Variants in SLC35F3 observed in about 807,000 individuals in gnomAD.
The protein encoded by SLC35F3 is solute carrier family 35 member F3, also known as putative thiamine transporter SLC35F3.
Under a neutral mutation model 49.9 loss-of-function variants are expected in SLC35F3, and 25 were observed. The observed-to-expected ratio is 0.50, with a 90% CI of 0.37 to 0.70. The LOEUF is 0.70. Among genes scored for constraint, SLC35F3 ranks in the 30% least tolerant of loss-of-function variants. The pLI is 0.00. For synonymous variants in SLC35F3, 275 were observed against 265.4 expected, an observed-to-expected ratio of 1.04 and a Z score of -0.35; for missense variants, 525 against 639.8, an observed-to-expected ratio of 0.82 and a Z score of 1.94.
At chr1:234,230,670 G>C (rs1234640863) in intron 2 of SLC35F3, among the ~76,000 whole-genome samples, 1 of 152,214 alleles carries the variant, frequency 6.6e-6, no homozygotes, top group African/African-American at 2.4e-5. Context: ...GCTTTGGGCT[G>C]CAGCCTGGTT....
At chr1:234,059,880 A>G (rs932006865) in intron 2 of SLC35F3, among the ~76,000 whole-genome samples, 5 of 152,130 alleles carry the variant, frequency 3.3e-5, no homozygotes, top group Admixed American at 3.3e-4. Context: ...TCACCACTTC[A>G]TGTTTTTCTG....
At chr1:234,299,014 C>T (rs1000580130) in intron 3 of SLC35F3, among the ~76,000 whole-genome samples, 14 of 152,090 alleles carry the variant, frequency 9.2e-5, no homozygotes, top group Admixed American at 8.5e-4. Context: ...AAACAGAAAC[C>T]AGCAGCATGG....
intron 2 of SLC35F3, among the ~76,000 whole-genome samples, chr1:234,125,929 GTC>G (rs768531542): frequency 6.6e-6 from 1 of 152,170 alleles, no homozygotes; most frequent in Non-Finnish European, 1.5e-5. Context: ...ATGAAGAACA[GTC>G]TCTGCAGTTC....
intron 2 of SLC35F3, among the ~76,000 whole-genome samples, chr1:234,104,068 A>G (rs1665249279): frequency 6.6e-6 from 1 of 152,210 alleles, no homozygotes; most frequent in African/African-American, 2.4e-5. Flanking sequence ...TGAGATTTGG[A>G]AATTTGTTAT....
At chr1:234,148,165 A>G (rs1361541002) in intron 2 of SLC35F3, among the ~76,000 whole-genome samples, 2 of 152,048 alleles carry the variant, frequency 1.3e-5, no homozygotes, top group African/African-American at 2.4e-5. Flanking sequence ...CTTCCTGCAG[A>G]CCTCCAGGTG....
intron 2 of SLC35F3, among the ~76,000 whole-genome samples, chr1:233,971,821 A>G (rs11586696): frequency 0.41 from 62,619 of 151,816 alleles, 14,053 homozygotes; most frequent in East Asian, 0.77. Context: ...CTGGGCATCG[A>G]CTGCATGAGA....
intron 2 of SLC35F3, among the ~76,000 whole-genome samples, chr1:233,999,736 C>A (rs1426923368): frequency 1.3e-5 from 2 of 152,116 alleles, no homozygotes; most frequent in African/African-American, 2.4e-5. Flanking sequence ...CTCTTTCATA[C>A]CTCGTATTTT....
At chr1:234,017,842 T>A (rs1268950771) in intron 2 of SLC35F3, among the ~76,000 whole-genome samples, 1 of 151,852 alleles carries the variant, frequency 6.6e-6, no homozygotes, top group African/African-American at 2.4e-5. Flanking sequence ...GTTGATTGAT[T>A]AACATTGAAC....
chr1:234,096,641 G>C (rs1572050295), intron 2 of SLC35F3, among the ~76,000 whole-genome samples: 1 of 152,166 alleles, frequency 6.6e-6, no homozygotes, highest in South Asian at 2.1e-4. Context: ...GGCAAGACTG[G>C]AGAAGGTTGG....
intron 2 of SLC35F3, among the ~76,000 whole-genome samples, chr1:233,908,885 T>C (rs145883865): frequency 5.7e-4 from 86 of 151,832 alleles, no homozygotes; most frequent in African/African-American, 2.0e-3. Flanking sequence ...AGAAGGAGTT[T>C]TGCTCTGTCG....
At chr1:234,064,811 T>A (rs1664592258) in intron 2 of SLC35F3, among the ~76,000 whole-genome samples, 1 of 152,156 alleles carries the variant, frequency 6.6e-6, no homozygotes, top group African/African-American at 2.4e-5. Flanking sequence ...AAGTTTCTTA[T>A]CCTCTAACAG....
At chr1:234,145,446 CT>C in intron 2 of SLC35F3, among the ~76,000 whole-genome samples, 1 of 152,172 alleles carries the variant, frequency 6.6e-6, no homozygotes, top group East Asian at 1.9e-4. Flanking sequence ...AGTTAGGAAT[CT>C]TTTTTCTCCC....
intron 2 of SLC35F3, among the ~76,000 whole-genome samples, chr1:234,063,690 G>A (rs1373716567): frequency 6.6e-6 from 1 of 151,958 alleles, no homozygotes; most frequent in Non-Finnish European, 1.5e-5. Context: ...TTTCAGCCTT[G>A]GTATAAGGGC....
intron 2 of SLC35F3, among the ~76,000 whole-genome samples, chr1:233,968,799 C>A (rs1271582164): frequency 6.6e-6 from 1 of 152,098 alleles, no homozygotes; most frequent in African/African-American, 2.4e-5. Flanking sequence ...GGTAGTTTTT[C>A]AACCCTCATC....
chr1:234,108,597 TA>T (rs1248257176), intron 2 of SLC35F3, among the ~76,000 whole-genome samples: 1 of 110,340 alleles, frequency 9.1e-6, no homozygotes, highest in African/African-American at 3.9e-5. Context: ...GATATACATA[TA>T]AAAGATATAT....
At chr1:234,108,032 G>A (rs930738259) in intron 2 of SLC35F3, among the ~76,000 whole-genome samples, 7 of 151,098 alleles carry the variant, frequency 4.6e-5, no homozygotes, top group African/African-American at 1.7e-4. Context: ...GTAATGATAA[G>A]CATAAGCCCC....
At chr1:233,963,319 G>C (rs1438142411) in intron 2 of SLC35F3, among the ~76,000 whole-genome samples, 1 of 141,260 alleles carries the variant, frequency 7.1e-6, no homozygotes, top group African/African-American at 2.6e-5. Flanking sequence ...TTCTTTTTTT[G>C]AGATGGAGTC....
At chr1:233,914,580 AGGATC>A (rs1406121771) in intron 2 of SLC35F3, among the ~76,000 whole-genome samples, 1 of 152,180 alleles carries the variant, frequency 6.6e-6, no homozygotes, top group Non-Finnish European at 1.5e-5. Flanking sequence ...TGACAAAATA[AGGATC>A]TACATACCAA....
intron 2 of SLC35F3, among the ~76,000 whole-genome samples, chr1:234,196,658 G>A (rs1666816684): frequency 6.6e-6 from 1 of 152,238 alleles, no homozygotes; most frequent in East Asian, 1.9e-4. Flanking sequence ...GACAAACATA[G>A]GCTGGGCATG....
Sources: gnomAD v4.1 joint callset for allele counts (sites outside exome capture counted in the v4.1 genomes callset) on GRCh38, gnomAD v4.1.1 for gene constraint, MANE v1.5 for transcripts, NCBI Gene and HGNC (gene_info 2026-07-23, HGNC 2026-07-21) for gene names.